The following SOX6 variants were observed in gnomAD, a reference collection of about 807,000 sequenced individuals.
SOX6 encodes the protein SRY-box transcription factor 6.
SOX6 carries 11 observed loss-of-function variants against 97.8 expected under a neutral mutation model. That is an observed-to-expected ratio of 0.11 (90% confidence interval 0.07 to 0.19). SOX6 has a LOEUF of 0.19. Ranked by LOEUF, SOX6 falls within the 10% of genes least tolerant of loss-of-function variation. SOX6 has a pLI of 1.00. For missense variants in SOX6, 810 were observed against 1,039.5 expected (o/e 0.78, Z 3.04); for synonymous variants, 360 against 371.4 (o/e 0.97, Z 0.35).
chr11:15,967,754 G>A lies in SOX6; in HGVS notation c.*5055C>T, dbSNP rs1407363616. 6.6e-6 allele frequency: 1 copy of A among 152,180 alleles called. No homozygotes were observed. Among genetic ancestry groups the A allele is most frequent in the Non-Finnish European group, 1.5e-5 (1 of 68,046 alleles). The allele number at this position is 152,180 out of a possible 1,614,324, so 9.4% of individuals were successfully genotyped here. A position where few individuals can be genotyped will look rare whatever the true frequency, so the allele number is the denominator to read the frequency against. ...ATACTCCAAGAGCACCAGCACTGAG[G>A]CCTCACTTTATGCTTGTGGTTCTTC... On this transcript the variant is annotated 3_prime_UTR_variant, in exon 16 of 16. Coordinates refer to ENST00000683767, the MANE Select transcript of SOX6 (RefSeq NM_001367873.1).
intron 2 of SOX6, among the ~76,000 whole-genome samples, chr11:16,723,652 A>G (rs1433377733): frequency 6.6e-6 from 1 of 152,080 alleles, no homozygotes; most frequent in Non-Finnish European, 1.5e-5. Context: ...TCTACTAAAA[A>G]TACAAAAATT....
intron 12 of SOX6, 133 bp from the exon 13 acceptor site, chr11:16,015,183 T>A (rs1303485031): frequency 7.6e-6 from 6 of 788,784 alleles, no homozygotes; most frequent in Non-Finnish European, 1.3e-5. Context: ...ACTCTGAAAA[T>A]CTTTCAGGAA....
rs2134340629 is a variant in SOX6, at chr11:16,340,975, T to C, written c.237+37A>G. On this transcript the variant is annotated intron_variant, in intron 2 of 15. Coordinates refer to ENST00000683767, the MANE Select transcript of SOX6 (RefSeq NM_001367873.1). Reference sequence around the variant, plus strand: ...TTTATAATGAGGACATTCTAAGGAATGCATTTAGTGGCAGTGGTCAGATTT... The same window carrying C: ...TTTATAATGAGGACATTCTAAGGAACGCATTTAGTGGCAGTGGTCAGATTT... 3 of 1,612,580 alleles carry C rather than the reference T, an allele frequency of 1.9e-6. No homozygotes were observed. The East Asian group carries it at 6.7e-5, about 36-fold the overall frequency.
chr11:16,195,771 G>T (rs1208057636), intron 4 of SOX6, among the ~76,000 whole-genome samples: 1 of 152,088 alleles, frequency 6.6e-6, no homozygotes, highest in Non-Finnish European at 1.5e-5. Context: ...GGCATTCTCC[G>T]GCATTCTCCA....
chr11:16,454,118 T>C (rs60685248), intron 1 of SOX6, among the ~76,000 whole-genome samples: 3,750 of 152,176 alleles, frequency 0.025, 137 homozygotes, highest in African/African-American at 0.078. Context: ...AACATTCTTC[T>C]ATAGGTTTTA....
In SOX6 at chr11:15,970,114, G is replaced by T. The variant is rs1853258343; in HGVS notation, c.*2695C>A. ...AGGCAAGCCCACACGAGTCGAAACA[G>T]ATGACTTTTGTTCATGTAGTTTTCG... On this transcript the variant is annotated 3_prime_UTR_variant, in exon 16 of 16. Transcript: ENST00000683767. 1 of 152,388 alleles carries T rather than the reference G, an allele frequency of 6.6e-6. No individual in the cohort carries two copies. Among genetic ancestry groups the T allele is most frequent in the African/African-American group, 2.4e-5 (1 of 41,586 alleles). The allele number at this position is 152,388 out of a possible 1,614,324, so 9.4% of individuals were successfully genotyped here.
intron 1 of SOX6, among the ~76,000 whole-genome samples, chr11:16,443,684 G>A (rs997874412): frequency 2.0e-5 from 3 of 152,020 alleles, no homozygotes; most frequent in Non-Finnish European, 2.9e-5. Flanking sequence ...CTGATAGTGA[G>A]CATAGTGCCC....
chr11:16,603,128 A>C (rs1178626844), intron 4 of SOX6, among the ~76,000 whole-genome samples: 1 of 152,234 alleles, frequency 6.6e-6, no homozygotes, highest in Non-Finnish European at 1.5e-5. Flanking sequence ...AGAGTCTTCT[A>C]GTAGGTATCA....
intron 1 of SOX6, among the ~76,000 whole-genome samples, chr11:16,421,910 G>C (rs746393112): frequency 4.6e-5 from 7 of 152,246 alleles, no homozygotes; most frequent in Admixed American, 3.9e-4. Flanking sequence ...CATTAAAACA[G>C]AACCATTTGG....
intron 3 of SOX6, among the ~76,000 whole-genome samples, chr11:16,260,374 G>T (rs1022121431): frequency 2.0e-5 from 3 of 152,074 alleles, no homozygotes; most frequent in Non-Finnish European, 4.4e-5. Context: ...ATGTTATATT[G>T]TGAAAATGAA....
At chr11:16,631,923 T>C (rs548313584) in intron 3 of SOX6, among the ~76,000 whole-genome samples, 62 of 152,338 alleles carry the variant, frequency 4.1e-4, no homozygotes, top group African/African-American at 1.4e-3. Flanking sequence ...AGTTTTTCAA[T>C]TGCAGAAGCT....
intron 3 of SOX6, among the ~76,000 whole-genome samples, chr11:16,631,462 C>T (rs1848706454): frequency 6.6e-6 from 1 of 152,180 alleles, no homozygotes; most frequent in South Asian, 2.1e-4. Flanking sequence ...CCACTGTTAG[C>T]CTGATGGGAT....
intron 3 of SOX6, among the ~76,000 whole-genome samples, chr11:16,305,144 G>A (rs1366900612): frequency 6.6e-6 from 1 of 152,028 alleles, no homozygotes; most frequent in Non-Finnish European, 1.5e-5. Context: ...TAAAGACCGG[G>A]AGAAAATATT....
chr11:16,480,645 A>AC (rs11343081), upstream of SOX6, among the ~76,000 whole-genome samples: 57,989 of 147,322 alleles, frequency 0.39, 12,252 homozygotes, highest in Admixed American at 0.5. Flanking sequence ...GTTTTTAGTA[A>AC]CCCCCCCCCC....
intron 9 of SOX6, among the ~76,000 whole-genome samples, chr11:16,058,585 C>A (rs958978558): frequency 6.6e-6 from 1 of 152,014 alleles, no homozygotes; most frequent in African/African-American, 2.4e-5. Flanking sequence ...ATCTACAGGT[C>A]ATTTATCTTA....
At chr11:16,009,508 G>T (rs1854649047) in intron 13 of SOX6, among the ~76,000 whole-genome samples, 1 of 152,088 alleles carries the variant, frequency 6.6e-6, no homozygotes, top group African/African-American at 2.4e-5. Context: ...TAGAACCAAT[G>T]AGTAGAAGTT....
At chr11:16,548,759 C>A (rs933601359) in intron 4 of SOX6, among the ~76,000 whole-genome samples, 1 of 151,852 alleles carries the variant, frequency 6.6e-6, no homozygotes, top group Non-Finnish European at 1.5e-5. Context: ...ACCTATTGTA[C>A]AACATAGTGA....
At chr11:16,573,543 T>C (rs985522783) in intron 4 of SOX6, among the ~76,000 whole-genome samples, 1 of 152,210 alleles carries the variant, frequency 6.6e-6, no homozygotes, top group Admixed American at 6.5e-5. Context: ...TGGAAATTAC[T>C]ATGCAGGATA....
intron 4 of SOX6, among the ~76,000 whole-genome samples, chr11:16,583,618 T>TAGATATATATACACACACACAC (rs1746841700): frequency 2.4e-5 from 3 of 126,012 alleles, no homozygotes; most frequent in Non-Finnish European, 5.0e-5. Context: ...TATATACATA[T>TAGATATATATACACACACACAC]ATATATATAT....
Sources: allele counts gnomAD v4.1 joint callset (sites outside exome capture counted in the v4.1 genomes callset), GRCh38; gene constraint gnomAD v4.1.1; transcripts MANE v1.5; gene names NCBI Gene and HGNC (gene_info 2026-07-23, HGNC 2026-07-21).